The following PCDH11X variants were observed in gnomAD, a reference collection of about 807,000 sequenced individuals.
PCDH11X encodes protocadherin 11 X-linked.
PCDH11X carries 18 observed loss-of-function variants against 53.3 expected under a neutral mutation model. The observed-to-expected ratio is 0.34, with a 90% CI of 0.23 to 0.50. The LOEUF (loss-of-function observed/expected upper bound fraction) is 0.50, where lower values mean the gene tolerates loss of function less well. PCDH11X is among the 20% of genes least tolerant of loss of function. PCDH11X has a pLI of 0.98. For missense variants in PCDH11X, 570 were observed against 1,032.4 expected (o/e 0.55, Z 6.14); for synonymous variants, 279 against 393.3 (o/e 0.71, Z 3.44).
At chrX:92,344,987 A>G (rs2069855664) in intron 8 of PCDH11X, among the ~76,000 whole-genome samples, 1 of 108,180 alleles carries the variant, frequency 9.2e-6, no homozygotes, top group Non-Finnish European at 1.9e-5. Context: ...ATAGGTGGAA[A>G]TGCTTGCCCT....
intron 6 of PCDH11X, among the ~76,000 whole-genome samples, chrX:92,125,224 T>C (rs2064840068): frequency 9.0e-6 from 1 of 111,628 alleles, no homozygotes; most frequent in Non-Finnish European, 1.9e-5. Flanking sequence ...ATTATGTCCT[T>C]TTAGTCAAAA....
intron 10 of PCDH11X, among the ~76,000 whole-genome samples, chrX:92,540,328 T>C (rs755152253): frequency 9.1e-6 from 1 of 109,446 alleles, no homozygotes; most frequent in Non-Finnish European, 1.9e-5. Context: ...AACCCCTCCC[T>C]GTGGCTACTA....
At chrX:92,421,324 CAA>C (rs74607516) in intron 9 of PCDH11X, among the ~76,000 whole-genome samples, 15,531 of 110,773 alleles carry the variant, frequency 0.14, 1,036 homozygotes, top group African/African-American at 0.24. Flanking sequence ...CATATGTACT[CAA>C]AGTTTAGCTC....
intron 10 of PCDH11X, among the ~76,000 whole-genome samples, chrX:92,499,456 C>CA (rs1176037826): frequency 2.0e-4 from 15 of 75,188 alleles, no homozygotes; most frequent in Non-Finnish European, 3.2e-4. Context: ...AAAAAAAAAA[C>CA]AAAAAAACAG....
rs186402879 is a variant in PCDH11X, at chrX:91,994,337, A to G, written c.3033+115064A>G. On this transcript the variant is annotated intron_variant, in intron 6 of 10. Coordinates refer to ENST00000682573, the MANE Select transcript of PCDH11X (RefSeq NM_032968.5). ...CTCACCCTCCCAGCCCTTGGTAATGACCATTCTGCAATCTGTTTCTGAGTT... is the reference window on the plus strand; with the variant it reads ...CTCACCCTCCCAGCCCTTGGTAATGGCCATTCTGCAATCTGTTTCTGAGTT... Among the ~76,000 whole-genome samples, 638 of 109,571 alleles carry G rather than the reference A, an allele frequency of 5.8e-3. 7 individuals carry two copies. Among genetic ancestry groups the G allele is most frequent in the African/African-American group, 0.02 (611 of 29,944 alleles).
chrX:92,051,025 C>G (rs1234044196), intron 6 of PCDH11X, among the ~76,000 whole-genome samples: 1 of 111,945 alleles, frequency 8.9e-6, no homozygotes, highest in African/African-American at 3.2e-5. Flanking sequence ...AATTTCTATA[C>G]TATGAAAATT....
At chrX:92,376,231 C>A (rs2070750850) in intron 8 of PCDH11X, among the ~76,000 whole-genome samples, 1 of 111,895 alleles carries the variant, frequency 8.9e-6, no homozygotes, top group Non-Finnish European at 1.9e-5. Context: ...GGGTGAGCAA[C>A]TGTCTTTAAT....
rs773900932 is a variant in PCDH11X, at chrX:91,808,424, G to A, written c.-378-1042G>A. Among the ~76,000 whole-genome samples, 5 of 109,204 alleles carry A rather than the reference G, an allele frequency of 4.6e-5. No individual in the cohort carries two copies. The East Asian group carries it at 1.4e-3, about 32-fold the overall frequency. The allele number at this position is 109,204 out of a possible 115,157, so 94.8% of individuals were successfully genotyped here. ...GCAGGACAATTGCTTGAACCCGGGA[G>A]ACGGAGGTTGCAGTGAGCCGAGATC... On this transcript the variant is annotated intron_variant, in intron 1 of 10. Coordinates refer to ENST00000682573, the MANE Select transcript of PCDH11X (RefSeq NM_032968.5).
At chrX:92,254,380 T>G (rs1033957068) in intron 7 of PCDH11X, among the ~76,000 whole-genome samples, 1 of 111,217 alleles carries the variant, frequency 9.0e-6, no homozygotes, top group South Asian at 3.9e-4. Context: ...CTGATGGGTC[T>G]TGACTCTTTA....
chrX:92,219,149 C>T, intron 7 of PCDH11X, among the ~76,000 whole-genome samples: 1 of 110,885 alleles, frequency 9.0e-6, no homozygotes, highest in Non-Finnish European at 1.9e-5. Flanking sequence ...GACAGGGATG[C>T]CCTCTCTCAC....
intron 8 of PCDH11X, among the ~76,000 whole-genome samples, chrX:92,306,621 G>GTAA (rs776262079): frequency 9.6e-6 from 1 of 104,559 alleles, no homozygotes; most frequent in Non-Finnish European, 1.9e-5. Flanking sequence ...GATTGAATCA[G>GTAA]TAATAATAAT....
intron 10 of PCDH11X, among the ~76,000 whole-genome samples, chrX:92,547,748 T>C (rs890776151): frequency 1.0e-4 from 11 of 110,276 alleles, no homozygotes; most frequent in African/African-American, 3.6e-4. Context: ...TTTTATTTTT[T>C]GAGATTGAGT....
At chrX:92,114,632 A>G (rs144739015) in intron 6 of PCDH11X, among the ~76,000 whole-genome samples, 3,116 of 111,447 alleles carry the variant, frequency 0.028, 86 homozygotes, top group African/African-American at 0.084. Flanking sequence ...TTATATCCCA[A>G]TTGTAGTTTC....
intron 4 of PCDH11X, among the ~76,000 whole-genome samples, chrX:91,834,092 T>A (rs931129894): frequency 1.2e-4 from 13 of 111,454 alleles, no homozygotes; most frequent in African/African-American, 4.2e-4. Flanking sequence ...TGACATCTGA[T>A]AGGCTTTAGC....
At chrX:92,050,354 T>C (rs1409537780) in intron 6 of PCDH11X, among the ~76,000 whole-genome samples, 1 of 105,098 alleles carries the variant, frequency 9.5e-6, no homozygotes, top group Non-Finnish European at 1.9e-5. Flanking sequence ...CTTATTGGTA[T>C]GAATATAAAG....
At chrX:92,493,365 C>G (rs1328722228) in intron 10 of PCDH11X, among the ~76,000 whole-genome samples, 1 of 110,795 alleles carries the variant, frequency 9.0e-6, no homozygotes, top group African/African-American at 3.3e-5. Context: ...GAAGGTAGAT[C>G]TCATGTTGAG....
At chrX:92,073,165 C>A (rs1024289994) in intron 6 of PCDH11X, among the ~76,000 whole-genome samples, 1 of 111,866 alleles carries the variant, frequency 8.9e-6, no homozygotes, top group Non-Finnish European at 1.9e-5. Flanking sequence ...ATGGCCACAA[C>A]CTGGGGCTGG....
chrX:92,277,671 G>A lies in PCDH11X; in HGVS notation c.3144+14528G>A, dbSNP rs753098531. ...ATGGGGCACAGAAATAAGGGGTCAGGGCATGGAAATAAGGGGTCAGGGCAC... is the reference window on the plus strand; with the variant it reads ...ATGGGGCACAGAAATAAGGGGTCAGAGCATGGAAATAAGGGGTCAGGGCAC... On this transcript the variant is annotated intron_variant, in intron 8 of 10. Transcript: ENST00000682573. Among the ~76,000 whole-genome samples the A allele has an allele frequency of 3.7e-5, 4 of 108,953 alleles. No homozygotes were observed. In the South Asian group the frequency reaches 1.3e-3, roughly 34 times the overall value. The allele number at this position is 108,953 out of a possible 115,157, so 94.6% of individuals were successfully genotyped here.
At chrX:91,897,023 T>C (rs1403390058) in intron 6 of PCDH11X, among the ~76,000 whole-genome samples, 1 of 103,568 alleles carries the variant, frequency 9.7e-6, no homozygotes, top group African/African-American at 3.9e-5. Flanking sequence ...TAGATTTTCA[T>C]AAAGTTGGCA....
Sources: gnomAD v4.1 joint callset for allele counts (sites outside exome capture counted in the v4.1 genomes callset) on GRCh38, gnomAD v4.1.1 for gene constraint, MANE v1.5 for transcripts, NCBI Gene and HGNC (gene_info 2026-07-23, HGNC 2026-07-21) for gene names.